The following LARGE1 variants were observed in gnomAD, a reference collection of about 807,000 sequenced individuals.
LARGE1 encodes the protein xylosyl- and glucuronyltransferase LARGE1.
LARGE1 carries 43 observed loss-of-function variants against 87.6 expected under a neutral mutation model. The observed-to-expected ratio is 0.49, with a 90% CI of 0.38 to 0.63. The LOEUF is 0.63. Among genes scored for constraint, LARGE1 ranks in the 30% least tolerant of loss-of-function variants. The pLI is 0.00. For missense variants in LARGE1, 802 were observed against 1,000.2 expected (o/e 0.80, Z 2.67); for synonymous variants, 434 against 394.6 (o/e 1.10, Z -1.18).
intron 1 of LARGE1, among the ~76,000 whole-genome samples, chr22:33,894,590 TG>T (rs1453096938): frequency 2.0e-5 from 3 of 152,152 alleles, no homozygotes; most frequent in Non-Finnish European, 4.4e-5. Context: ...CAAACAAAAC[TG>T]GGACATGGGA....
chr22:33,783,749 G>A (rs1261167082), intron 1 of LARGE1, among the ~76,000 whole-genome samples: 6 of 152,140 alleles, frequency 3.9e-5, no homozygotes, highest in Admixed American at 6.5e-5. Flanking sequence ...GGATATGGTC[G>A]CAGGATAAGA....
At chr22:33,687,760 T>C (rs1603148878) in intron 2 of LARGE1, among the ~76,000 whole-genome samples, 1 of 151,104 alleles carries the variant, frequency 6.6e-6, no homozygotes, top group South Asian at 2.1e-4. Context: ...AGGTGGGAGG[T>C]GGGAAGAGAA....
the LARGE1 span, among the ~76,000 whole-genome samples, chr22:33,082,277 A>G: frequency 3.3e-5 from 5 of 152,172 alleles, no homozygotes; most frequent in Non-Finnish European, 7.4e-5. Flanking sequence ...GGCAGCTTCA[A>G]TTCTATCTAC....
In LARGE1 at chr22:33,773,306, G is replaced by A. The variant is rs1366243777; in HGVS notation, c.-82-11748C>T. Among the ~76,000 whole-genome samples, 8 of 152,316 alleles carry A rather than the reference G, an allele frequency of 5.3e-5. No homozygotes were observed. The East Asian group carries it at 1.4e-3, about 26-fold the overall frequency. Reference sequence around the variant, plus strand: ...GTGAACTCTAATTTAAAAGCCGCACGCAATATGCTCTCAAACAAACATTGA... The same window carrying A: ...GTGAACTCTAATTTAAAAGCCGCACACAATATGCTCTCAAACAAACATTGA... On this transcript the variant is annotated intron_variant, in intron 1 of 14. Coordinates refer to ENST00000397394, the MANE Select transcript of LARGE1 (RefSeq NM_133642.5).
intron 1 of LARGE1, among the ~76,000 whole-genome samples, chr22:33,836,967 G>A (rs924077157): frequency 1.3e-5 from 2 of 152,088 alleles, no homozygotes; most frequent in Non-Finnish European, 1.5e-5. Flanking sequence ...GATGGGTCGT[G>A]CATGAATCCC....
chr22:33,428,464 C>A (rs1480757716), intron 7 of LARGE1, among the ~76,000 whole-genome samples: 1 of 151,456 alleles, frequency 6.6e-6, no homozygotes, highest in African/African-American at 2.4e-5. Context: ...CAGGCACACA[C>A]CACCATGCCC....
intron 11 of LARGE1, among the ~76,000 whole-genome samples, chr22:33,202,716 A>G (rs1365651296): frequency 6.6e-6 from 1 of 152,198 alleles, no homozygotes; most frequent in African/African-American, 2.4e-5. Context: ...CAGAGATGGC[A>G]ACTGATACCT....
intron 1 of LARGE1, among the ~76,000 whole-genome samples, chr22:33,772,133 A>C (rs2085088371): frequency 6.6e-6 from 1 of 152,190 alleles, no homozygotes; most frequent in African/African-American, 2.4e-5. Context: ...GGAGACCGAT[A>C]TCATCCTGGC....
At chr22:33,248,198 A>AT (rs1398942251) in intron 11 of LARGE1, among the ~76,000 whole-genome samples, 4 of 151,602 alleles carry the variant, frequency 2.6e-5, no homozygotes, top group South Asian at 2.1e-4. Flanking sequence ...CATTTTTTTT[A>AT]TTTTTTTGAG....
intron 11 of LARGE1, among the ~76,000 whole-genome samples, chr22:33,310,985 G>C (rs762305838): frequency 6.7e-5 from 10 of 149,232 alleles, no homozygotes; most frequent in Admixed American, 6.7e-4. Flanking sequence ...TTTTGAGACC[G>C]AGTCTCGCTT....
At chr22:33,861,860 CTTTTTTT>C (rs59657748) in intron 1 of LARGE1, among the ~76,000 whole-genome samples, 2 of 117,248 alleles carry the variant, frequency 1.7e-5, no homozygotes, top group Non-Finnish European at 1.7e-5. Context: ...CCCAGACATT[CTTTTTTT>C]TTTTTTTTTT....
chr22:33,612,954 C>T (rs1004508279), intron 4 of LARGE1, among the ~76,000 whole-genome samples: 1 of 152,212 alleles, frequency 6.6e-6, no homozygotes, highest in Admixed American at 6.5e-5. Flanking sequence ...CTATTTAAAG[C>T]TTCTGTCCAG....
intron 1 of LARGE1, among the ~76,000 whole-genome samples, chr22:33,885,391 G>C (rs1246300974): frequency 6.6e-6 from 1 of 152,190 alleles, no homozygotes; most frequent in African/African-American, 2.4e-5. Flanking sequence ...CAGTACTTCA[G>C]ATGGCTAACT....
chr22:33,525,353 C>T (rs1050842843), intron 6 of LARGE1, among the ~76,000 whole-genome samples: 2 of 152,194 alleles, frequency 1.3e-5, no homozygotes, highest in African/African-American at 2.4e-5. Context: ...GAAGTATGAT[C>T]TCCAAGAAGA....
At chr22:33,910,416 C>T (rs141472530) in intron 1 of LARGE1, among the ~76,000 whole-genome samples, 11 of 152,266 alleles carry the variant, frequency 7.2e-5, no homozygotes, top group East Asian at 3.9e-4. Flanking sequence ...TGTTTGGTGA[C>T]GCCTCCTCCT....
chr22:33,258,643 C>A (rs946385488), intron 11 of LARGE1, among the ~76,000 whole-genome samples: 3 of 152,128 alleles, frequency 2.0e-5, no homozygotes, highest in African/African-American at 7.2e-5. Flanking sequence ...GTCCTGATAT[C>A]CCAATATCTT....
At chr22:33,832,013 C>T (rs2062986819) in intron 1 of LARGE1, among the ~76,000 whole-genome samples, 1 of 152,180 alleles carries the variant, frequency 6.6e-6, no homozygotes, top group Non-Finnish European at 1.5e-5. Context: ...GCTGCAAAGC[C>T]CTCCCTTCTT....
chr22:33,796,222 C>T (rs960326978), intron 1 of LARGE1, among the ~76,000 whole-genome samples: 1 of 152,166 alleles, frequency 6.6e-6, no homozygotes, highest in Non-Finnish European at 1.5e-5. Flanking sequence ...GAGTATTACT[C>T]GGGTATACAT....
intron 3 of LARGE1, among the ~76,000 whole-genome samples, chr22:33,636,892 T>C (rs188658593): frequency 6.6e-6 from 1 of 152,298 alleles, no homozygotes; most frequent in East Asian, 1.9e-4. Flanking sequence ...GATTAGAGCC[T>C]GGTACCTTGT....
Sources: allele counts gnomAD v4.1 joint callset (sites outside exome capture counted in the v4.1 genomes callset), GRCh38; gene constraint gnomAD v4.1.1; transcripts MANE v1.5; gene names NCBI Gene and HGNC (gene_info 2026-07-23, HGNC 2026-07-21).